TMEM144: variants seen among roughly 807,000 people sequenced by gnomAD.
TMEM144 encodes transmembrane protein 144.
In TMEM144, 39 loss-of-function variants were observed where a neutral mutation model predicts 43.6. That is an observed-to-expected ratio of 0.90 (90% CI 0.69 to 1.17). TMEM144 has a LOEUF of 1.17. Among genes scored for constraint, TMEM144 ranks in the 50% most tolerant of loss-of-function variants. TMEM144 has a pLI of 0.00. For missense variants in TMEM144, 417 were observed against 411.9 expected, an observed-to-expected ratio of 1.01 and a Z score of -0.11; for synonymous variants, 154 against 133.6, an observed-to-expected ratio of 1.15 and a Z score of -1.06.
At chr4:158,212,928 A>G (rs1448134417) in intron 3 of TMEM144, 152 bp downstream of exon 3, 1 of 686,588 alleles carries the variant, frequency 1.5e-6, no homozygotes, top group South Asian at 1.7e-5. Context: ...CAGTGCTCAT[A>G]CCAGTTTGTC....
intron 6 of TMEM144, among the ~76,000 whole-genome samples, chr4:158,231,782 G>A (rs995415872): frequency 6.6e-6 from 1 of 152,188 alleles, no homozygotes; most frequent in African/African-American, 2.4e-5. Flanking sequence ...GAGGATTTAT[G>A]TTGAGATAGG....
rs1482862130 is a variant in TMEM144 at position 158,217,383 on chromosome 4, G to A, written c.295G>A (p.Gly99Arg). ...TTTAGGCCTTGGAATCTTAATCTGG[G>A]GATCATTTAATGCCTTAACTGGCTG... ...IGLGLGILIW[G>R]SFNALTGWAS... The change falls in exon 5 of 13, where the codon GGA becomes AGA. Residue 99 changes from glycine (G) to arginine (R), a missense_variant. Gly to Arg is a moderately radical substitution (Grantham distance 125). Transcript: ENST00000296529. 1.2e-6 allele frequency: 2 copies of A among 1,612,862 alleles called. No individual in the cohort carries two copies. The highest frequency in any genetic ancestry group is 1.7e-6 in the Non-Finnish European group (2 of 1,179,370).
At chr4:158,253,375 G>A (rs1037916778) in intron 12 of TMEM144, 69 bp from the exon 13 acceptor site, 2 of 1,349,308 alleles carry the variant, frequency 1.5e-6, no homozygotes, top group Admixed American at 1.8e-5. Context: ...TAGCAATCTT[G>A]AGAGTCTGTC....
intron 7 of TMEM144, 190 bp from the exon 8 acceptor site, chr4:158,235,248 A>C (rs1053810983): frequency 5.7e-6 from 3 of 530,946 alleles, no homozygotes; most frequent in Non-Finnish European, 9.6e-6. Flanking sequence ...CCAACTGCCA[A>C]GTCATCCTAA....
intron 6 of TMEM144, among the ~76,000 whole-genome samples, chr4:158,223,401 A>G (rs1490516355): frequency 6.6e-6 from 1 of 152,210 alleles, no homozygotes; most frequent in African/African-American, 2.4e-5. Context: ...TAAAACAATC[A>G]AGAGCCTTAT....
chr4:158,235,663 T>C (rs1735306769), intron 8 of TMEM144, 158 bp downstream of exon 8: 1 of 598,416 alleles, frequency 1.7e-6, no homozygotes, highest in Non-Finnish European at 2.7e-6. Flanking sequence ...TGTCCCCAGC[T>C]GAATTTTAGG....
intron 9 of TMEM144, among the ~76,000 whole-genome samples, chr4:158,238,319 A>T (rs1046503210): frequency 1.6e-4 from 24 of 152,234 alleles, no homozygotes; most frequent in African/African-American, 5.5e-4. Flanking sequence ...ACCTCTGTTC[A>T]GATAAAGGAG....
chr4:158,226,116 C>G (rs1405164533), intron 6 of TMEM144, among the ~76,000 whole-genome samples: 1 of 152,216 alleles, frequency 6.6e-6, no homozygotes, highest in Non-Finnish European at 1.5e-5. Context: ...GCATTTGCAT[C>G]TTGGTATCCT....
chr4:158,224,470 C>T (rs192307360), intron 6 of TMEM144, among the ~76,000 whole-genome samples: 28 of 152,268 alleles, frequency 1.8e-4, no homozygotes, highest in Admixed American at 6.5e-4. Flanking sequence ...TCATGGGAGG[C>T]TCAGATGAGT....
rs377306749 is a variant in TMEM144 at position 158,253,577 on chromosome 4, C to T, written c.*50C>T. On this transcript the variant is annotated 3_prime_UTR_variant, in exon 13 of 13. Transcript: ENST00000296529. ...GCAGTAGTTAAGAGAACGCGTCTAT[C>T]GGACAGCGGAGAGATCATGCTGAGA... 1.8e-5 allele frequency: 26 copies of T among 1,444,742 alleles called. No individual in the cohort carries two copies. The highest frequency in any genetic ancestry group is 2.2e-5 in the Non-Finnish European group (23 of 1,030,328). 89.5% of individuals were successfully genotyped at this position (1,444,742 alleles called of 1,614,324 possible).
intron 6 of TMEM144, among the ~76,000 whole-genome samples, chr4:158,229,919 G>A (rs962638616): frequency 4.6e-5 from 7 of 151,260 alleles, no homozygotes; most frequent in African/African-American, 9.7e-5. Context: ...GGAGCTTAGC[G>A]TGTTAGATGG....
chr4:158,211,487 T>A lies in TMEM144; in HGVS notation c.-148T>A, dbSNP rs1221616860. 1 of 152,248 alleles carries A rather than the reference T, an allele frequency of 6.6e-6. No homozygotes were observed. Among genetic ancestry groups the A allele is most frequent in the Non-Finnish European group, 1.5e-5 (1 of 68,048 alleles). 9.4% of individuals were successfully genotyped at this position (152,248 alleles called of 1,614,324 possible). ...AGCTTTTCAAGACACTTCCTGCATC[T>A]CTGACCTGTTGCACCTCTGTTATCT... On this transcript the variant is annotated 5_prime_UTR_variant, in exon 2 of 13. Transcript: ENST00000296529.
At chr4:158,221,999 C>T (rs1321613349) in intron 6 of TMEM144, among the ~76,000 whole-genome samples, 1 of 152,180 alleles carries the variant, frequency 6.6e-6, no homozygotes, top group Non-Finnish European at 1.5e-5. Flanking sequence ...TTCTCTCTCT[C>T]CATAGAAGGC....
intron 6 of TMEM144, among the ~76,000 whole-genome samples, chr4:158,222,395 C>A (rs1734552167): frequency 6.6e-6 from 1 of 152,136 alleles, no homozygotes; most frequent in South Asian, 2.1e-4. Context: ...ATTCATTGAC[C>A]CAGGATTACA....
chr4:158,241,901 A>C (rs113661743), intron 11 of TMEM144, among the ~76,000 whole-genome samples: 5 of 152,328 alleles, frequency 3.3e-5, no homozygotes, highest in African/African-American at 1.2e-4. Context: ...TTTGCTATTG[A>C]TAACTATTAT....
intron 12 of TMEM144, among the ~76,000 whole-genome samples, chr4:158,250,598 C>T (rs1212907386): frequency 3.9e-4 from 59 of 152,190 alleles, no homozygotes; most frequent in Non-Finnish European, 2.9e-5. Context: ...GGCTGCAAGG[C>T]AGCAAAGACA....
At position 158,245,213 on chromosome 4, in the gene TMEM144, A is replaced by AGTGTGT. The variant is rs759486531; in HGVS notation, c.954+909_954+914dup. ...GCATTCATCAAATAGTTCTAGTAAG[A>AGTGTGT]GTGTGTGTGTGTGTGTGTGTGTGTG... On this transcript the variant is annotated intron_variant, in intron 12 of 12. Transcript: ENST00000296529. Among the ~76,000 whole-genome samples the AGTGTGT allele has an allele frequency of 4.3e-3, 544 of 125,664 alleles. 9 individuals carry two copies. The highest frequency in any genetic ancestry group is 0.013 in the East Asian group (54 of 4,264). The allele number at this position is 125,664 out of a possible 152,430, so 82.4% of individuals were successfully genotyped here.
chr4:158,227,355 A>G (rs1312108221), intron 6 of TMEM144, among the ~76,000 whole-genome samples: 1 of 152,104 alleles, frequency 6.6e-6, no homozygotes, highest in Non-Finnish European at 1.5e-5. Context: ...TGGGTTAAGG[A>G]TTTTTGATAG....
In TMEM144 at chr4:158,254,136, A is replaced by G. The variant is rs533355639; in HGVS notation, c.*609A>G. 20 of 152,382 alleles carry G rather than the reference A, an allele frequency of 1.3e-4. No individual in the cohort carries two copies. The highest frequency in any genetic ancestry group is 4.6e-4 in the African/African-American group (19 of 41,578). The allele number at this position is 152,382 out of a possible 1,614,324, so 9.4% of individuals were successfully genotyped here. ...CCCATTTTAGCTCATAATGCTTTTGATTATCGCCAGATAAAGTCCATTCTC... is the reference window on the plus strand; with the variant it reads ...CCCATTTTAGCTCATAATGCTTTTGGTTATCGCCAGATAAAGTCCATTCTC... On this transcript the variant is annotated 3_prime_UTR_variant, in exon 13 of 13. Coordinates refer to ENST00000296529, the MANE Select transcript of TMEM144 (RefSeq NM_018342.5).
Sources: gnomAD v4.1 joint callset for allele counts (sites outside exome capture counted in the v4.1 genomes callset) on GRCh38, gnomAD v4.1.1 for gene constraint, MANE v1.5 for transcripts, NCBI Gene and HGNC (gene_info 2026-07-23, HGNC 2026-07-21) for gene names.